PEX14: variants seen among roughly 807,000 people sequenced by gnomAD.
The protein encoded by PEX14 is peroxisomal biogenesis factor 14.
A neutral mutation model predicts 49.5 loss-of-function variants in PEX14; 15 were observed. The observed-to-expected ratio is 0.30, with a 90% CI of 0.20 to 0.47. The LOEUF (loss-of-function observed/expected upper bound fraction) is 0.47, where lower values mean the gene tolerates loss of function less well. Ranked by LOEUF, PEX14 falls within the 20% of genes least tolerant of loss-of-function variation. The pLI is 1.00. For synonymous variants in PEX14, 210 were observed against 212.7 expected (o/e 0.99, Z 0.11); for missense variants, 398 against 494.8 (o/e 0.80, Z 1.86).
intron 2 of PEX14, among the ~76,000 whole-genome samples, chr1:10,520,173 C>CTTTTTTTTTTTTTT (rs1638237852): frequency 3.6e-5 from 2 of 56,312 alleles, no homozygotes; most frequent in African/African-American, 8.7e-5. Context: ...GTTTTTTTAA[C>CTTTTTTTTTTTTTT]TAGAGACAAG....
chr1:10,618,387 C>T lies in PEX14; in HGVS notation c.354C>T (p.Gly118=). 6.2e-7 allele frequency: 1 copy of T among 1,613,880 alleles called. No homozygotes were observed. The highest frequency in any genetic ancestry group is 8.5e-7 in the Non-Finnish European group (1 of 1,179,966). The part of the protein sequence containing the change: ...DYGALAIIMA[G]IAFGFHQLYK... ...GCGCCCTGGCCATCATCATGGCAGGCATTGCATTTGGCTTTCACCAGCTCT... is the reference window on the plus strand; with the variant it reads ...GCGCCCTGGCCATCATCATGGCAGGTATTGCATTTGGCTTTCACCAGCTCT... Residue 118 remains glycine, a synonymous_variant, in exon 5 of 9, where the codon GGC becomes GGT. Coordinates refer to ENST00000356607, the MANE Select transcript of PEX14 (RefSeq NM_004565.3).
At chr1:10,499,021 C>T (rs1641620292) in intron 2 of PEX14, among the ~76,000 whole-genome samples, 1 of 152,224 alleles carries the variant, frequency 6.6e-6, no homozygotes, top group Non-Finnish European at 1.5e-5. Flanking sequence ...GACCAAGTCC[C>T]TGCCTGGTCT....
Position 10,514,213 on chromosome 1 carries a change from C to A in PEX14, c.84+18892C>A, listed in dbSNP as rs974687040. Among the ~76,000 whole-genome samples, 7 of 144,888 alleles carry A rather than the reference C, an allele frequency of 4.8e-5. No individual in the cohort carries two copies. Among genetic ancestry groups the A allele is most frequent in the Non-Finnish European group, 7.6e-5 (5 of 66,132 alleles). ...GTGTGTGTGTGTATGGTGTTAGAAACGGCAGAGTCACCTTCTAAAACAGCA... is the reference window on the plus strand; with the variant it reads ...GTGTGTGTGTGTATGGTGTTAGAAAAGGCAGAGTCACCTTCTAAAACAGCA... On this transcript the variant is annotated intron_variant, in intron 2 of 8. Coordinates refer to ENST00000356607, the MANE Select transcript of PEX14 (RefSeq NM_004565.3). This position sits in a 1 kb window ranked among gnomAD's most constrained non-coding sequence, Gnocchi z 4.4.
At chr1:10,530,511 C>T (rs1638616919) in intron 2 of PEX14, among the ~76,000 whole-genome samples, 2 of 152,138 alleles carry the variant, frequency 1.3e-5, no homozygotes, top group Admixed American at 1.3e-4. Context: ...AAGGTTATTC[C>T]CCTCTTGCCA....
chr1:10,541,422 G>A (rs1273335747), intron 3 of PEX14, among the ~76,000 whole-genome samples: 1 of 152,244 alleles, frequency 6.6e-6, no homozygotes, highest in South Asian at 2.1e-4. Context: ...CAGCAGCGTG[G>A]CATCTTCCGC....
chr1:10,497,189 C>A (rs1641582677), intron 2 of PEX14, among the ~76,000 whole-genome samples: 1 of 152,262 alleles, frequency 6.6e-6, no homozygotes, highest in East Asian at 1.9e-4. Flanking sequence ...AACGGGGGCA[C>A]CAGCTGAGTC....
At position 10,536,253 on chromosome 1, in the gene PEX14, G is replaced by A. The variant is rs866676477; in HGVS notation, c.125G>A (p.Arg42His). ...AVKFLQNSRVRQSPLATRRAF... is the reference protein window; with the variant it reads ...AVKFLQNSRVHQSPLATRRAF... ...AAGTTTCTACAGAATTCCCGGGTCC[G>A]CCAGAGCCCACTTGCAACCAGGAGA... Residue 42 changes from arginine to histidine, a missense_variant, in exon 3 of 9, where the codon CGC (arginine) becomes CAC (histidine). Arg to His is a conservative substitution (Grantham distance 29). Around this residue, in one of 3 missense-constraint regions of PEX14, gnomAD observed 202 missense variants for 298.5 expected, o/e 0.68. Transcript: ENST00000356607. The A allele has an allele frequency of 2.5e-6, 4 of 1,612,240 alleles. No homozygotes were observed. Among genetic ancestry groups the A allele is most frequent in the Non-Finnish European group, 3.4e-6 (4 of 1,178,426 alleles).
At chr1:10,509,665 G>A (rs1384807299) in intron 2 of PEX14, among the ~76,000 whole-genome samples, 5 of 152,042 alleles carry the variant, frequency 3.3e-5, no homozygotes, top group Admixed American at 2.0e-4. Flanking sequence ...GAACGCTGCC[G>A]TGTTTGTTTT....
chr1:10,594,691 G>A (rs764967133), intron 3 of PEX14, among the ~76,000 whole-genome samples: 12 of 152,146 alleles, frequency 7.9e-5, no homozygotes, highest in Non-Finnish European at 1.3e-4. Flanking sequence ...AGTGCCCAGC[G>A]GTCACTGGGG....
chr1:10,599,500 C>T, intron 4 of PEX14, 134 bp downstream of exon 4: 1 of 1,041,146 alleles, frequency 9.6e-7, no homozygotes, highest in Non-Finnish European at 1.5e-6. Context: ...TGGGTTTTTC[C>T]CAAGGAATGT....
intron 3 of PEX14, among the ~76,000 whole-genome samples, chr1:10,555,693 G>T (rs775787262): frequency 1.3e-5 from 2 of 151,918 alleles, no homozygotes; most frequent in Non-Finnish European, 2.9e-5. Flanking sequence ...GTGAGGGGCC[G>T]CAGTGCCTGT....
At chr1:10,475,174 C>G (rs1225319638) in intron 1 of PEX14, among the ~76,000 whole-genome samples, 172 bp downstream of exon 1, 2 of 151,986 alleles carry the variant, frequency 1.3e-5, no homozygotes, top group Non-Finnish European at 2.9e-5. Flanking sequence ...CGGCCCCTCC[C>G]CCCGGTGACC....
chr1:10,523,867 T>C (rs954676650), intron 2 of PEX14, among the ~76,000 whole-genome samples: 6 of 150,996 alleles, frequency 4.0e-5, no homozygotes, highest in African/African-American at 1.5e-4. Flanking sequence ...GCATTTGATT[T>C]GAGGAACCAA....
chr1:10,492,776 C>G (rs61776048), intron 1 of PEX14, among the ~76,000 whole-genome samples: 144 of 152,306 alleles, frequency 9.5e-4, no homozygotes, highest in African/African-American at 3.4e-3. Flanking sequence ...CTGGCACTGT[C>G]CTAGCCCCCA....
At chr1:10,593,085 G>A (rs183356085) in intron 3 of PEX14, among the ~76,000 whole-genome samples, 1 of 152,334 alleles carries the variant, frequency 6.6e-6, no homozygotes, top group African/African-American at 2.4e-5. Context: ...TTTTTACTCA[G>A]TGATTTACAC....
chr1:10,583,847 G>A (rs1419710776), intron 3 of PEX14, among the ~76,000 whole-genome samples: 1 of 152,164 alleles, frequency 6.6e-6, no homozygotes, highest in African/African-American at 2.4e-5. Flanking sequence ...GAAGCTTGAA[G>A]AGGAAGTTGT....
rs1256993890 is a variant in PEX14 at position 10,494,861 on chromosome 1, G to A, written c.37-413G>A. On this transcript the variant is annotated intron_variant, in intron 1 of 8. Transcript: ENST00000356607. This position sits in a 1 kb window ranked among gnomAD's most constrained non-coding sequence, Gnocchi z 4.3. The stretch of plus-strand genomic sequence containing the variant: ...GGAATCTGGTTCTCCACTGCTGCGC[G>A]ACTTTTCTTCCCAGTCCCCTGACGT... Among the ~76,000 whole-genome samples, 5 of 152,180 alleles carry A rather than the reference G, an allele frequency of 3.3e-5. No homozygotes were observed. The highest frequency in any genetic ancestry group is 1.2e-4 in the African/African-American group (5 of 41,448).
At chr1:10,621,894 A>T (rs974178478) in intron 5 of PEX14, among the ~76,000 whole-genome samples, 5 of 151,932 alleles carry the variant, frequency 3.3e-5, no homozygotes, top group Admixed American at 1.3e-4. Context: ...CGTAATGGAG[A>T]AGTTTCCGTC....
rs1163959437 is a variant in PEX14 at position 10,539,399 on chromosome 1, A to C, written c.169+3102A>C. Among the ~76,000 whole-genome samples the C allele has an allele frequency of 6.6e-6, 1 of 152,180 alleles. No homozygotes were observed. The highest frequency in any genetic ancestry group is 6.5e-5 in the Admixed American group (1 of 15,282). The stretch of plus-strand genomic sequence containing the variant: ...TGAAGTTTGTACTGCCATTTTGTGT[A>C]ATTTACAACATTTCTTCCTTTTATC... On this transcript the variant is annotated intron_variant, in intron 3 of 8. Transcript: ENST00000356607. The surrounding 1 kb of genome is among the most constrained non-coding windows in gnomAD (Gnocchi z 4.6).
Sources: allele counts gnomAD v4.1 joint callset (sites outside exome capture counted in the v4.1 genomes callset), GRCh38; gene constraint gnomAD v4.1.1; regional missense constraint gnomAD v4.1.1; non-coding constraint Gnocchi (gnomAD v3.1); transcripts MANE v1.5; gene names NCBI Gene and HGNC (gene_info 2026-07-23, HGNC 2026-07-21).